EPB41L1: variants seen among roughly 807,000 people sequenced by gnomAD.
The protein encoded by EPB41L1 is erythrocyte membrane protein band 4.1 like 1, also known as band 4.1-like protein 1.
In EPB41L1, 29 loss-of-function variants were observed where a neutral mutation model predicts 97.8. The ratio of observed to expected loss-of-function variants is 0.30; its 90% CI spans 0.22 to 0.40. The LOEUF is 0.40. Among genes scored for constraint, EPB41L1 ranks in the 10% least tolerant of loss-of-function variants. The probability of loss-of-function intolerance (pLI) is 1.00; values close to 1 mark genes in which losing one functional copy is unlikely to be tolerated. For synonymous variants in EPB41L1, 383 were observed against 459.2 expected (o/e 0.83, Z 2.12); for missense variants, 812 against 1,162.3 (o/e 0.70, Z 4.38).
intron 2 of EPB41L1, chr20:36,125,519 TC>T: frequency 6.5e-7 from 1 of 1,527,784 alleles, no homozygotes; most frequent in Non-Finnish European, 8.8e-7. Flanking sequence ...TACTGAGCGC[TC>T]AGTAAAGGTG....
intron 1 of EPB41L1, among the ~76,000 whole-genome samples, chr20:36,173,365 C>T (rs2061077807): frequency 6.6e-6 from 1 of 152,224 alleles, no homozygotes; most frequent in African/African-American, 2.4e-5. Context: ...GTGCATCCAG[C>T]TTTGCTGAGG....
Position 36,209,713 on chromosome 20 carries a change from G to A in EPB41L1, c.1894G>A (p.Ala632Thr), listed in dbSNP as rs993735906. Residue 632 changes from alanine to threonine, a missense_variant, in exon 15 of 22, where the codon GCC (alanine) becomes ACC (threonine). This residue lies in a region of EPB41L1 where 498 missense variants were observed against 622.7 expected (regional missense o/e 0.80). Transcript: ENST00000338074. The surrounding 1 kb of genome is among the most constrained non-coding windows in gnomAD (Gnocchi z 4.2). ...GGTCATTGGTGACTACCATGGCAGC[G>A]CCTTCGAAGACTTCTCCCGCAGCCT... is the stretch of plus-strand genomic sequence containing the variant. ...FTVIGDYHGS[A>T]FEDFSRSLPE... 6.8e-6 allele frequency: 11 copies of A among 1,614,030 alleles called. No individual in the cohort carries two copies. The highest frequency in any genetic ancestry group is 2.2e-5 in the East Asian group (1 of 44,886).
chr20:36,159,318 T>A (rs1462814068), intron 1 of EPB41L1, among the ~76,000 whole-genome samples: 3 of 152,174 alleles, frequency 2.0e-5, no homozygotes, highest in African/African-American at 7.2e-5. Flanking sequence ...GGACTAAGTG[T>A]CCAACAATAG....
At chr20:36,124,072 C>T (rs748337127) in intron 2 of EPB41L1, among the ~76,000 whole-genome samples, 35 of 152,074 alleles carry the variant, frequency 2.3e-4, no homozygotes, top group Non-Finnish European at 4.0e-4. Flanking sequence ...CATGGTGAAA[C>T]CCCGTCTCTA....
At chr20:36,155,376 A>T in intron 1 of EPB41L1, 1 of 361,536 alleles carries the variant, frequency 2.8e-6, no homozygotes. Context: ...CTCCCTTCCA[A>T]GTACCTCAGA....
intron 1 of EPB41L1, among the ~76,000 whole-genome samples, chr20:36,111,508 G>C (rs932942442): frequency 6.6e-6 from 1 of 152,190 alleles, no homozygotes; most frequent in African/African-American, 2.4e-5. Context: ...GAGGGAGGCC[G>C]GGCATGGTGG....
Position 36,175,578 on chromosome 20 carries a change from A to C in EPB41L1, c.205A>C (p.Ser69Arg). 1 of 1,614,214 alleles carries C rather than the reference A, an allele frequency of 6.2e-7. No homozygotes were observed. Among genetic ancestry groups the C allele is most frequent in the Non-Finnish European group, 8.5e-7 (1 of 1,180,044 alleles). ...QSLDMEEKDY[S>R]EADGLSERTT... ...CCTAGACATGGAGGAGAAGGACTACAGTGAGGCCGATGGCCTTTCGGAGAG... is the reference window on the plus strand; with the variant it reads ...CCTAGACATGGAGGAGAAGGACTACCGTGAGGCCGATGGCCTTTCGGAGAG... The change falls in exon 3 of 22, where the codon AGT becomes CGT. Residue 69 changes from serine (S) to arginine (R), a missense_variant. By Grantham distance (110) the Ser-to-Arg change is moderately radical. Around this residue, in one of 3 missense-constraint regions of EPB41L1, gnomAD observed 84 missense variants for 94.3 expected, o/e 0.89. Transcript: ENST00000338074.
chr20:36,172,126 A>T lies in EPB41L1; in HGVS notation c.-14-1638A>T, dbSNP rs181866438. Among the ~76,000 whole-genome samples, 68 of 152,260 alleles carry T rather than the reference A, an allele frequency of 4.5e-4. 2 individuals are homozygous for T. The highest frequency in any genetic ancestry group is 1.6e-3 in the African/African-American group (65 of 41,542). On this transcript the variant is annotated intron_variant, in intron 1 of 21. Coordinates refer to ENST00000338074, the MANE Select transcript of EPB41L1 (RefSeq NM_012156.2). ...TTTTTTGAGATGGAGTCTCACTCTT[A>T]TCACCCAGGCTGGAGTGCAGTGGCT...
intron 21 of EPB41L1, among the ~76,000 whole-genome samples, chr20:36,225,499 T>C (rs1447022279): frequency 6.6e-6 from 1 of 152,106 alleles, no homozygotes; most frequent in Non-Finnish European, 1.5e-5. Flanking sequence ...TGCAGCCAGG[T>C]ATAGTAGCAT....
intron 16 of EPB41L1, among the ~76,000 whole-genome samples, chr20:36,213,922 CTT>C (rs986912178): frequency 3.7e-4 from 57 of 152,262 alleles, no homozygotes; most frequent in African/African-American, 1.2e-3. Flanking sequence ...CCACCTTACT[CTT>C]GATCATCTCA....
At chr20:36,135,191 G>A (rs960731924) in intron 2 of EPB41L1, among the ~76,000 whole-genome samples, 1 of 152,108 alleles carries the variant, frequency 6.6e-6, no homozygotes, top group African/African-American at 2.4e-5. Flanking sequence ...ATCACGGCCT[G>A]CAACCCACTT....
chr20:36,211,111 G>C (rs2063105467), intron 15 of EPB41L1, among the ~76,000 whole-genome samples: 1 of 151,494 alleles, frequency 6.6e-6, no homozygotes, highest in Admixed American at 6.6e-5. Context: ...AAATCTCCAG[G>C]CACAGTGGTT....
At chr20:36,113,411 TGTGTG>T (rs2058477799) in intron 2 of EPB41L1, among the ~76,000 whole-genome samples, 1 of 28,710 alleles carries the variant, frequency 3.5e-5, no homozygotes. Context: ...TTTCCATTTG[TGTGTG>T]TGTGTGTGTG....
At chr20:36,226,011 T>G (rs2064129742) in intron 21 of EPB41L1, among the ~76,000 whole-genome samples, 2 of 152,230 alleles carry the variant, frequency 1.3e-5, no homozygotes, top group South Asian at 4.1e-4. Context: ...TTGTTTATGT[T>G]GCCCTGGCAA....
chr20:36,137,371 G>C (rs2059457139), intron 2 of EPB41L1, among the ~76,000 whole-genome samples: 1 of 148,750 alleles, frequency 6.7e-6, no homozygotes, highest in African/African-American at 2.5e-5. Flanking sequence ...CCACTGCGCT[G>C]GGGCAGCTAA....
At chr20:36,178,887 T>TC (rs1322754574) in intron 5 of EPB41L1, among the ~76,000 whole-genome samples, 1 of 151,400 alleles carries the variant, frequency 6.6e-6, no homozygotes, top group Non-Finnish European at 1.5e-5. Flanking sequence ...GAAAAGCCTG[T>TC]CCCTACTAAA....
At chr20:36,118,004 AG>A (rs1366293440) in intron 2 of EPB41L1, among the ~76,000 whole-genome samples, 1 of 152,216 alleles carries the variant, frequency 6.6e-6, no homozygotes, top group African/African-American at 2.4e-5. Context: ...GCCATTTGTT[AG>A]GGGGGCATCC....
In EPB41L1 at chr20:36,204,095, G is replaced by A. The variant is rs117312113; in HGVS notation, c.1669-5393G>A. On this transcript the variant is annotated intron_variant, in intron 14 of 21. Coordinates refer to ENST00000338074, the MANE Select transcript of EPB41L1 (RefSeq NM_012156.2). ...GAGGACACACTTCACAGAACTTGGC[G>A]TCAGAGACTGAGTTCAAGGCCTGCC... Among the ~76,000 whole-genome samples the A allele has an allele frequency of 2.8e-3, 428 of 152,264 alleles. 10 individuals are homozygous for A. In the East Asian group the frequency reaches 0.039, roughly 14 times the overall value.
intron 21 of EPB41L1, among the ~76,000 whole-genome samples, chr20:36,227,846 G>A (rs759234304): frequency 3.8e-4 from 58 of 152,278 alleles, no homozygotes; most frequent in South Asian, 3.7e-3. Flanking sequence ...AACCTTGCAG[G>A]TCAGACGTCT....
Sources: gnomAD v4.1 joint callset for allele counts (sites outside exome capture counted in the v4.1 genomes callset) on GRCh38, gnomAD v4.1.1 for gene constraint, gnomAD v4.1.1 regional missense constraint, Gnocchi (gnomAD v3.1) non-coding constraint, MANE v1.5 for transcripts, NCBI Gene and HGNC (gene_info 2026-07-23, HGNC 2026-07-21) for gene names.